PTPRD: variants seen among roughly 807,000 people sequenced by gnomAD.
The protein encoded by PTPRD is receptor-type tyrosine-protein phosphatase delta.
Under a neutral mutation model 214.5 loss-of-function variants are expected in PTPRD, and 34 were observed. The observed-to-expected ratio is 0.16, with a 90% CI of 0.12 to 0.21. The LOEUF (loss-of-function observed/expected upper bound fraction) is 0.21. Among genes scored for constraint, PTPRD ranks in the 10% least tolerant of loss-of-function variants. The pLI is 1.00. For missense variants in PTPRD, 2,545 were observed against 2,398.7 expected (o/e 1.06, Z -1.27); for synonymous variants, 1,128 against 845.7 (o/e 1.33, Z -5.79).
intron 9 of PTPRD, among the ~76,000 whole-genome samples, chr9:9,352,094 G>A (rs554199812): frequency 2.6e-5 from 4 of 151,792 alleles, no homozygotes; most frequent in Non-Finnish European, 5.9e-5. Context: ...AGGAATCCCA[G>A]CCTCTGCACC....
chr9:10,060,110 G>T, intron 3 of PTPRD, among the ~76,000 whole-genome samples: 1 of 152,020 alleles, frequency 6.6e-6, no homozygotes, highest in Non-Finnish European at 1.5e-5. Flanking sequence ...ACTGCATAAT[G>T]TGTTTGCTAA....
intron 14 of PTPRD, among the ~76,000 whole-genome samples, chr9:8,533,810 C>T (rs142717411): frequency 2.6e-5 from 4 of 151,992 alleles, no homozygotes; most frequent in South Asian, 2.1e-4. Context: ...TTTTATGATG[C>T]TTTGACAATT....
At chr9:9,003,173 T>C (rs954884701) in intron 11 of PTPRD, among the ~76,000 whole-genome samples, 4 of 152,042 alleles carry the variant, frequency 2.6e-5, no homozygotes, top group African/African-American at 9.7e-5. Flanking sequence ...CTACTGGACT[T>C]TGTCCCAGTA....
chr9:8,959,705 T>A (rs2099149111), intron 11 of PTPRD, among the ~76,000 whole-genome samples: 1 of 152,052 alleles, frequency 6.6e-6, no homozygotes, highest in Non-Finnish European at 1.5e-5. Context: ...ATTGAGTATA[T>A]CCTTTGGAAA....
chr9:9,747,496 A>T lies in PTPRD; in HGVS notation c.-325-12925T>A, dbSNP rs573080776. On this transcript the variant is annotated intron_variant, in intron 6 of 45. Transcript: ENST00000381196. ...ATTGCTTTGAATATACTATTTGGGG[A>T]AAAATGGTGCCTCAGATTATACCTG... 1.5e-4 allele frequency among the ~76,000 whole-genome samples: 22 copies of T among 151,638 alleles called. 2 individuals carry two copies. The East Asian group carries it at 4.1e-3, about 28-fold the overall frequency.
At position 8,357,322 on chromosome 9, in the gene PTPRD, C is replaced by T. The variant is rs151082022; in HGVS notation, c.4662-15344G>A. Reference sequence around the variant, plus strand: ...CTATTCCCTCTGTTTGAAGACAATGCCTCATTTTAGCAGCTCACCAAGAGA... The same window carrying T: ...CTATTCCCTCTGTTTGAAGACAATGTCTCATTTTAGCAGCTCACCAAGAGA... On this transcript the variant is annotated intron_variant, in intron 39 of 45. Coordinates refer to ENST00000381196, the MANE Select transcript of PTPRD (RefSeq NM_002839.4). 8.3e-4 allele frequency among the ~76,000 whole-genome samples: 127 copies of T among 152,286 alleles called. 1 individual carries two copies. The highest frequency in any genetic ancestry group is 2.8e-3 in the African/African-American group (117 of 41,568).
At chr9:10,567,065 A>G (rs1396883634) in intron 2 of PTPRD, among the ~76,000 whole-genome samples, 3 of 152,044 alleles carry the variant, frequency 2.0e-5, no homozygotes, top group East Asian at 1.9e-4. Context: ...ATGTGCTTAC[A>G]TAGTATGTTT....
intron 8 of PTPRD, among the ~76,000 whole-genome samples, chr9:9,421,281 G>C (rs1051385671): frequency 1.5e-5 from 1 of 64,948 alleles, no homozygotes; most frequent in Admixed American, 1.6e-4. Flanking sequence ...TACTGTCTTT[G>C]TGAAAAAAAA....
chr9:8,459,381 G>C (rs930884979), intron 33 of PTPRD, among the ~76,000 whole-genome samples: 1 of 151,922 alleles, frequency 6.6e-6, no homozygotes, highest in Non-Finnish European at 1.5e-5. Context: ...CAAGGAAAAC[G>C]AGAACATGGA....
chr9:10,275,803 G>T (rs1442991647), intron 3 of PTPRD, among the ~76,000 whole-genome samples: 1 of 152,166 alleles, frequency 6.6e-6, no homozygotes, highest in Non-Finnish European at 1.5e-5. Context: ...AGCCAAAAGT[G>T]AAGCATGCCT....
intron 30 of PTPRD, among the ~76,000 whole-genome samples, chr9:8,482,763 C>A (rs956957056): frequency 2.6e-5 from 4 of 152,160 alleles, no homozygotes; most frequent in African/African-American, 9.7e-5. Context: ...CCTTCTCTTG[C>A]CACTTGTGGC....
Position 10,261,001 on chromosome 9 carries a change from TA to T in PTPRD, c.-545+79961del, listed in dbSNP as rs2093657657. The stretch of plus-strand genomic sequence containing the variant: ...GTGTATATATATGTATATATATGTG[TA>T]TATATGTATATATGTGTGTATATAT... On this transcript the variant is annotated intron_variant, in intron 3 of 45. Coordinates refer to ENST00000381196, the MANE Select transcript of PTPRD (RefSeq NM_002839.4). Among the ~76,000 whole-genome samples, 6 of 148,016 alleles carry T rather than the reference TA, an allele frequency of 4.1e-5. No individual in the cohort carries two copies. The South Asian group carries it at 1.0e-3, about 26-fold the overall frequency.
rs1179302933 is a variant in PTPRD, at chr9:10,564,194, T to TTTC, written c.-600+48203_-600+48204insGAA. Among the ~76,000 whole-genome samples, 2 of 137,604 alleles carry TTTC rather than the reference T, an allele frequency of 1.5e-5. 1 individual carries two copies. The highest frequency in any genetic ancestry group is 1.5e-4 in the Admixed American group (2 of 13,216). The allele number at this position is 137,604 out of a possible 152,430, so 90.3% of individuals were successfully genotyped here. On this transcript the variant is annotated intron_variant, in intron 2 of 45. Transcript: ENST00000381196. Reference sequence around the variant, plus strand: ...TTCTTTTTTTTTTTTTTTTTTTTTTTTGAGACATAGGGGTTTCCCTGTTCT... The same window carrying TTTC: ...TTCTTTTTTTTTTTTTTTTTTTTTTTTTCTGAGACATAGGGGTTTCCCTGTTCT...
At chr9:10,504,046 G>T (rs1410451516) in intron 2 of PTPRD, among the ~76,000 whole-genome samples, 1 of 138,450 alleles carries the variant, frequency 7.2e-6, no homozygotes, top group African/African-American at 2.7e-5. Flanking sequence ...AACCCGGGAG[G>T]CAGAGCTTGC....
At chr9:8,324,262 C>T (rs1294778538) in intron 44 of PTPRD, among the ~76,000 whole-genome samples, 1 of 152,082 alleles carries the variant, frequency 6.6e-6, no homozygotes, top group Admixed American at 6.6e-5. Context: ...GCCCCCACCC[C>T]CTGGCAGGCC....
At chr9:8,657,814 G>T (rs1034105773) in intron 12 of PTPRD, among the ~76,000 whole-genome samples, 1 of 152,108 alleles carries the variant, frequency 6.6e-6, no homozygotes, top group Admixed American at 6.5e-5. Context: ...AAGGCACACA[G>T]TAGTCTCTCA....
intron 14 of PTPRD, among the ~76,000 whole-genome samples, chr9:8,549,286 G>C (rs554412456): frequency 3.9e-5 from 6 of 152,288 alleles, no homozygotes; most frequent in African/African-American, 1.4e-4. Context: ...TCAGTGTCAA[G>C]TTTCTAGCCT....
chr9:10,506,807 T>C (rs1486025229), intron 2 of PTPRD, among the ~76,000 whole-genome samples: 2 of 152,114 alleles, frequency 1.3e-5, no homozygotes, highest in Non-Finnish European at 2.9e-5. Context: ...CGTACTTCAA[T>C]TTGGGTTTGC....
chr9:8,369,001 G>A lies in PTPRD; in HGVS notation c.4661+6935C>T, dbSNP rs886871691. Among the ~76,000 whole-genome samples the A allele has an allele frequency of 3.3e-4, 50 of 151,996 alleles. 3 individuals are homozygous for A. Among genetic ancestry groups the A allele is most frequent in the Non-Finnish European group, 4.4e-5 (3 of 67,990 alleles). ...CAATCCTACCTTTCATCTACAGAAGGCTAGCATCTCCTATTCCGTAATTTA... is the reference window on the plus strand; with the variant it reads ...CAATCCTACCTTTCATCTACAGAAGACTAGCATCTCCTATTCCGTAATTTA... On this transcript the variant is annotated intron_variant, in intron 39 of 45. Coordinates refer to ENST00000381196, the MANE Select transcript of PTPRD (RefSeq NM_002839.4).
Sources: gnomAD v4.1 joint callset for allele counts (sites outside exome capture counted in the v4.1 genomes callset) on GRCh38, gnomAD v4.1.1 for gene constraint, MANE v1.5 for transcripts, NCBI Gene and HGNC (gene_info 2026-07-23, HGNC 2026-07-21) for gene names.